Variants in PPARGC1B observed in about 807,000 individuals in gnomAD.
PPARGC1B encodes the protein PPARG coactivator 1 beta.
Under a neutral mutation model 101.6 loss-of-function variants are expected in PPARGC1B, and 34 were observed. The ratio of observed to expected loss-of-function variants is 0.33; its 90% CI spans 0.25 to 0.45. PPARGC1B has a LOEUF of 0.45. Among genes scored for constraint, PPARGC1B ranks in the 20% least tolerant of loss-of-function variants. The pLI is 1.00. For missense variants in PPARGC1B, 1,234 were observed against 1,317.6 expected, an observed-to-expected ratio of 0.94 and a Z score of 0.98; for synonymous variants, 548 against 539.3, an observed-to-expected ratio of 1.02 and a Z score of -0.22.
At chr5:149,840,231 C>A in intron 9 of PPARGC1B, 115 bp downstream of exon 9, 2 of 924,288 alleles carry the variant, frequency 2.2e-6, no homozygotes, top group East Asian at 2.7e-5. Flanking sequence ...AGTCTTCGGC[C>A]TCTGCCTGGG....
chr5:149,744,908 C>T (rs930394689), intron 1 of PPARGC1B, among the ~76,000 whole-genome samples: 58 of 132,910 alleles, frequency 4.4e-4, no homozygotes, highest in Non-Finnish European at 7.9e-4. Context: ...AGCTTTGTGA[C>T]TTTTTTTTTT....
Position 149,840,115 on chromosome 5 carries a change from T to G in PPARGC1B, c.2693T>G (p.Ile898Ser). The change falls in exon 9 of 12, where the codon ATT (isoleucine) becomes AGT (serine). Residue 898 changes from isoleucine (I) to serine (S), a missense_variant and splice_region_variant. This residue lies in a region of PPARGC1B where 497 missense variants were observed against 529.5 expected (regional missense o/e 0.94). Transcript: ENST00000309241. Reference sequence around the variant, plus strand: ...GCCAGGAAGCGGCGGGAAAAGGCCATTGTAAGTGATCTGGGGGCCCAGAGC... The same window carrying G: ...GCCAGGAAGCGGCGGGAAAAGGCCAGTGTAAGTGATCTGGGGGCCCAGAGC... The part of the protein sequence containing the change: ...RHARKRREKA[I>S]GEGRVVYIQN... 6.2e-7 allele frequency: 1 copy of G among 1,611,166 alleles called. No individual in the cohort carries two copies. The highest frequency in any genetic ancestry group is 8.5e-7 in the Non-Finnish European group (1 of 1,178,512).
At chr5:149,838,576 C>G (rs1202187812) in intron 8 of PPARGC1B, among the ~76,000 whole-genome samples, 1 of 152,222 alleles carries the variant, frequency 6.6e-6, no homozygotes, top group Non-Finnish European at 1.5e-5. Flanking sequence ...AAATACATCC[C>G]CCAAGCTGGA....
rs1352906057 is a variant in PPARGC1B, at chr5:149,853,143, G to A, written c.*5585G>A. The A allele has an allele frequency of 6.6e-6, 1 of 152,102 alleles. No individual in the cohort carries two copies. Among genetic ancestry groups the A allele is most frequent in the African/African-American group, 2.4e-5 (1 of 41,388 alleles). The allele number at this position is 152,102 out of a possible 1,614,324, so 9.4% of individuals were successfully genotyped here. ...GACCACCCTTGCTCATTGGTTACTT[G>A]TGAAGGGAATTGGTCAGTTTCCACC... On this transcript the variant is annotated 3_prime_UTR_variant, in exon 12 of 12. Coordinates refer to ENST00000309241, the MANE Select transcript of PPARGC1B (RefSeq NM_133263.4). The surrounding 1 kb of genome is among the most constrained non-coding windows in gnomAD (Gnocchi z 4.2).
chr5:149,761,495 G>T (rs1452861997), intron 1 of PPARGC1B: 1 of 152,032 alleles, frequency 6.6e-6, no homozygotes, highest in Non-Finnish European at 1.5e-5. Context: ...CAAAGGAAAT[G>T]AAATCAAGAT....
chr5:149,731,878 C>G (rs2113048420), intron 1 of PPARGC1B, among the ~76,000 whole-genome samples: 1 of 152,166 alleles, frequency 6.6e-6, no homozygotes, highest in Non-Finnish European at 1.5e-5. Flanking sequence ...GGGAGGCAGG[C>G]CGCCCCTGGC....
chr5:149,823,039 C>A (rs1001586726), intron 2 of PPARGC1B, among the ~76,000 whole-genome samples: 1 of 152,244 alleles, frequency 6.6e-6, no homozygotes, highest in African/African-American at 2.4e-5. Flanking sequence ...GTTGACACTT[C>A]CTCAGGGACA....
chr5:149,810,560 T>G (rs928761685), intron 1 of PPARGC1B, among the ~76,000 whole-genome samples: 1 of 152,252 alleles, frequency 6.6e-6, no homozygotes, highest in Non-Finnish European at 1.5e-5. Context: ...AGGGGCTGCT[T>G]GCAGGCAATA....
intron 1 of PPARGC1B, among the ~76,000 whole-genome samples, chr5:149,793,039 AT>A (rs955171069): frequency 1.3e-5 from 2 of 151,936 alleles, no homozygotes; most frequent in Non-Finnish European, 2.9e-5. Flanking sequence ...CAGCTGCTTC[AT>A]CCAGGCGGAG....
At chr5:149,753,681 G>C (rs1211355103) in intron 1 of PPARGC1B, among the ~76,000 whole-genome samples, 1 of 151,970 alleles carries the variant, frequency 6.6e-6, no homozygotes, top group Non-Finnish European at 1.5e-5. Context: ...AAAAGGTGTT[G>C]TGTATTTATT....
intron 1 of PPARGC1B, among the ~76,000 whole-genome samples, chr5:149,786,569 C>T (rs1161730684): frequency 6.6e-6 from 1 of 152,192 alleles, no homozygotes; most frequent in Non-Finnish European, 1.5e-5. Flanking sequence ...GAAGATTCCC[C>T]AGGGGCAGGA....
intron 1 of PPARGC1B, among the ~76,000 whole-genome samples, chr5:149,759,331 C>T (rs1279069046): frequency 6.6e-6 from 1 of 152,144 alleles, no homozygotes; most frequent in Non-Finnish European, 1.5e-5. Flanking sequence ...TTACTCATGA[C>T]CTCAGGCAAG....
chr5:149,735,838 T>C (rs1754684333), intron 1 of PPARGC1B, among the ~76,000 whole-genome samples: 1 of 152,296 alleles, frequency 6.6e-6, no homozygotes, highest in African/African-American at 2.4e-5. Context: ...ATAGAGAGAA[T>C]GCAGAGGCCG....
At chr5:149,759,370 T>G in intron 1 of PPARGC1B, among the ~76,000 whole-genome samples, 1 of 152,142 alleles carries the variant, frequency 6.6e-6, no homozygotes. Flanking sequence ...CTTTATTTAT[T>G]TGTACAGGAG....
intron 6 of PPARGC1B, 24 bp from the exon 7 acceptor site, chr5:149,835,277 T>G: frequency 6.2e-7 from 1 of 1,613,368 alleles, no homozygotes; most frequent in Non-Finnish European, 8.5e-7. Flanking sequence ...CTTCTTTCCT[T>G]TCTGTCCTCC....
chr5:149,753,337 G>T (rs1755386226), intron 1 of PPARGC1B, among the ~76,000 whole-genome samples: 1 of 151,986 alleles, frequency 6.6e-6, no homozygotes, highest in Non-Finnish European at 1.5e-5. Flanking sequence ...CTCCTGAGTA[G>T]CTGTGATTAC....
In PPARGC1B at chr5:149,785,342, G is replaced by A. The variant is rs145652939; in HGVS notation, c.79-35091G>A. 3.5e-4 allele frequency among the ~76,000 whole-genome samples: 54 copies of A among 152,304 alleles called. 1 individual carries two copies. The East Asian group carries it at 0.01, about 29-fold the overall frequency. On this transcript the variant is annotated intron_variant, in intron 1 of 11. Transcript: ENST00000309241. ...ATCTTGCTTTTGTCTCTCATTGGCC[G>A]GGTGATCTTGGGCCTCTGTGAACCT...
intron 1 of PPARGC1B, chr5:149,772,191 T>G: frequency 1.2e-6 from 2 of 1,604,960 alleles, no homozygotes; most frequent in Non-Finnish European, 1.7e-6. Context: ...GAAGGCTTTT[T>G]CTGTGAGCTT....
At position 149,837,814 on chromosome 5, in the gene PPARGC1B, T is replaced by A. The variant is rs1759168939; in HGVS notation, c.2618+741T>A. ...CTCCCTGGGGAAGGCTTGAGGACAG[T>A]CAGTGTCATCATCCCCAGCCCTGTG... On this transcript the variant is annotated intron_variant, in intron 8 of 11. Coordinates refer to ENST00000309241, the MANE Select transcript of PPARGC1B (RefSeq NM_133263.4). The surrounding 1 kb of genome is among the most constrained non-coding windows in gnomAD (Gnocchi z 4.2). 6.6e-6 allele frequency among the ~76,000 whole-genome samples: 1 copy of A among 152,202 alleles called. No individual in the cohort carries two copies. Among genetic ancestry groups the A allele is most frequent in the Non-Finnish European group, 1.5e-5 (1 of 68,042 alleles).
Sources: allele counts gnomAD v4.1 joint callset (sites outside exome capture counted in the v4.1 genomes callset), GRCh38; gene constraint gnomAD v4.1.1; regional missense constraint gnomAD v4.1.1; non-coding constraint Gnocchi (gnomAD v3.1); transcripts MANE v1.5; gene names NCBI Gene and HGNC (gene_info 2026-07-23, HGNC 2026-07-21).